The following SERINC2 variants were observed in gnomAD, a reference collection of about 807,000 sequenced individuals.
SERINC2 encodes serine incorporator 2.
A neutral mutation model predicts 54.2 loss-of-function variants in SERINC2; 56 were observed. The ratio of observed to expected loss-of-function variants is 1.03; its 90% confidence interval spans 0.83 to 1.29. The LOEUF (loss-of-function observed/expected upper bound fraction) is 1.29, where lower values mean the gene tolerates loss of function less well. SERINC2 is among the 50% of genes most tolerant of loss of function. SERINC2 has a pLI of 0.00. For missense variants in SERINC2, 614 were observed against 607.4 expected (o/e 1.01, Z -0.12); for synonymous variants, 272 against 253.1 (o/e 1.07, Z -0.71).
At chr1:31,411,038 T>C (rs782433639), upstream of SERINC2, among the ~76,000 whole-genome samples, 15 of 152,170 alleles carry the variant, frequency 9.9e-5, no homozygotes, top group Non-Finnish European at 1.5e-4. Context: ...AGTGGACTTA[T>C]GGTAAAAGGT....
intron 7 of SERINC2, 133 bp downstream of exon 7, chr1:31,429,201 T>C: frequency 1.0e-6 from 1 of 1,002,690 alleles, no homozygotes; most frequent in South Asian, 1.5e-5. Flanking sequence ...AGTCCTCCCA[T>C]GAGATGGGAG....
intron 7 of SERINC2, 127 bp downstream of exon 7, chr1:31,429,195 C>T: frequency 1.9e-6 from 2 of 1,034,084 alleles, no homozygotes. Flanking sequence ...AGACTCAGTC[C>T]TCCCATGAGA....
chr1:31,425,750 C>A, intron 4 of SERINC2, 26 bp from the exon 5 acceptor site: 1 of 1,608,634 alleles, frequency 6.2e-7, no homozygotes, highest in South Asian at 1.1e-5. Context: ...GGACCCTCCT[C>A]GCCTCACTCC....
At position 31,426,691 on chromosome 1, in the gene SERINC2, G is replaced by A. The variant is rs200968269; in HGVS notation, c.648G>A (p.Ser216=). The change falls in exon 6 of 10, where the codon TCG becomes TCA. Residue 216 remains serine (S), a synonymous_variant. Transcript: ENST00000373709. ...FFFTLLFYLL[S]IAAVALMFMY... ...TCACTCTCCTCTTCTACTTGCTGTCGATCGCGGCCGTGGCGCTGATGTTCA... is the reference window on the plus strand; with the variant it reads ...TCACTCTCCTCTTCTACTTGCTGTCAATCGCGGCCGTGGCGCTGATGTTCA... 1.1e-5 allele frequency: 17 copies of A among 1,612,992 alleles called. No homozygotes were observed. The highest frequency in any genetic ancestry group is 1.7e-5 in the Admixed American group (1 of 59,954).
At chr1:31,421,161 G>T (rs1460217934) in intron 1 of SERINC2, among the ~76,000 whole-genome samples, 1 of 152,176 alleles carries the variant, frequency 6.6e-6, no homozygotes, top group Admixed American at 6.5e-5. Flanking sequence ...ACCCTATTGT[G>T]AACTGTGCAT....
chr1:31,434,437 T>C lies in SERINC2; in HGVS notation c.*238T>C, dbSNP rs1641416429. ...ACACCCACACGGTGGAGCTGCCTCT[T>C]CCTTCCCCTCCTCCCTGTTGCCCAT... On this transcript the variant is annotated 3_prime_UTR_variant, in exon 10 of 10. Transcript: ENST00000373709. 1.8e-6 allele frequency: 1 copy of C among 552,884 alleles called. No homozygotes were observed. Among genetic ancestry groups the C allele is most frequent in the Non-Finnish European group, 3.2e-6 (1 of 310,630 alleles). The allele number at this position is 552,884 out of a possible 1,614,324, so 34.2% of individuals were successfully genotyped here. A position where few individuals can be genotyped will look rare whatever the true frequency, so the allele number is the denominator to read the frequency against.
intron 1 of SERINC2, among the ~76,000 whole-genome samples, chr1:31,420,473 C>T (rs1481124188): frequency 1.3e-5 from 2 of 152,184 alleles, no homozygotes; most frequent in African/African-American, 4.8e-5. Context: ...CACCTGGGCA[C>T]CTGGCTCCTG....
intron 6 of SERINC2, among the ~76,000 whole-genome samples, chr1:31,428,495 G>A (rs1195237022): frequency 6.6e-6 from 1 of 152,160 alleles, no homozygotes; most frequent in Non-Finnish European, 1.5e-5. Flanking sequence ...CTGAAAGGTG[G>A]GTGGCTGGCA....
Position 31,434,513 on chromosome 1 carries a change from C to A in SERINC2, c.*314C>A. On this transcript the variant is annotated 3_prime_UTR_variant, in exon 10 of 10. Coordinates refer to ENST00000373709, the MANE Select transcript of SERINC2 (RefSeq NM_178865.5). ...CCCTTGTCCTCAGGCTCCACGGGAG[C>A]GGGGCTGCTGGAGAGAGCGGGGAAC... 5.4e-6 allele frequency: 2 copies of A among 368,644 alleles called. No individual in the cohort carries two copies. The highest frequency in any genetic ancestry group is 8.6e-5 in the South Asian group (2 of 23,218). The allele number at this position is 368,644 out of a possible 1,614,324, so 22.8% of individuals were successfully genotyped here.
upstream of SERINC2, among the ~76,000 whole-genome samples, chr1:31,412,509 T>G (rs764628185): frequency 7.2e-4 from 109 of 152,056 alleles, 1 homozygote; most frequent in African/African-American, 1.7e-3. Flanking sequence ...GCTGGGGTCT[T>G]AGAAGAAGCA....
intron 1 of SERINC2, among the ~76,000 whole-genome samples, chr1:31,420,548 T>TTTG (rs1308590354): frequency 3.3e-5 from 5 of 152,100 alleles, no homozygotes; most frequent in African/African-American, 4.8e-5. Context: ...TGTTTGTTTG[T>TTTG]TTTTTCATCA....
At chr1:31,420,656 G>A (rs1428960380) in intron 1 of SERINC2, among the ~76,000 whole-genome samples, 1 of 152,204 alleles carries the variant, frequency 6.6e-6, no homozygotes, top group Non-Finnish European at 1.5e-5. Context: ...GGTGCACACA[G>A]ATCTGAATTT....
intron 8 of SERINC2, among the ~76,000 whole-genome samples, chr1:31,432,368 C>G (rs1235314345): frequency 6.6e-6 from 1 of 151,996 alleles, no homozygotes; most frequent in African/African-American, 2.4e-5. Flanking sequence ...CTATCAAATT[C>G]TGTTAAAAAC....
At chr1:31,415,285 G>A (rs1640754711) in intron 1 of SERINC2, among the ~76,000 whole-genome samples, 1 of 152,228 alleles carries the variant, frequency 6.6e-6, no homozygotes, top group Non-Finnish European at 1.5e-5. Flanking sequence ...AACTTAGTGA[G>A]TAATATCAGC....
chr1:31,429,644 C>A, intron 8 of SERINC2, 106 bp downstream of exon 8: 1 of 1,226,700 alleles, frequency 8.2e-7, no homozygotes, highest in Non-Finnish European at 1.1e-6. Context: ...GTGCTCTTCA[C>A]ATTCAATATA....
chr1:31,422,734 G>A (rs1640932423), intron 1 of SERINC2, among the ~76,000 whole-genome samples: 1 of 152,200 alleles, frequency 6.6e-6, no homozygotes, highest in African/African-American at 2.4e-5. Flanking sequence ...AGAGGTATCT[G>A]GATGTGGGGC....
chr1:31,431,939 TTAGGGTGGTTAGGGTGGTTAGGGTGGA>T (rs1557500360), intron 8 of SERINC2, among the ~76,000 whole-genome samples: 187 of 2,972 alleles, frequency 0.063, 6 homozygotes, highest in Middle Eastern at 0.17. Context: ...GATAGGGTGG[TTAGGGTGGTTAGGGTGGTTAGGGTGGA>T]TAGGGTGGAT....
At chr1:31,432,225 G>C (rs1056119126) in intron 8 of SERINC2, among the ~76,000 whole-genome samples, 3 of 151,738 alleles carry the variant, frequency 2.0e-5, no homozygotes, top group African/African-American at 7.3e-5. Flanking sequence ...TGGAGAGGGT[G>C]GATAGGGACC....
chr1:31,431,840 A>ATAGGATGGTTAGGGTGGATAGGGTGGT (rs1641232353), intron 8 of SERINC2, among the ~76,000 whole-genome samples: 1 of 134,132 alleles, frequency 7.5e-6, no homozygotes. Flanking sequence ...GATAGGGTGG[A>ATAGGATGGTTAGGGTGGATAGGGTGGT]TAGGGTGGAT....
Sources: gnomAD v4.1 joint callset for allele counts (sites outside exome capture counted in the v4.1 genomes callset) on GRCh38, gnomAD v4.1.1 for gene constraint, MANE v1.5 for transcripts, NCBI Gene and HGNC (gene_info 2026-07-23, HGNC 2026-07-21) for gene names.